The following PTPN4 variants were observed in gnomAD, a reference collection of about 807,000 sequenced individuals.
The protein encoded by PTPN4 is tyrosine-protein phosphatase non-receptor type 4.
A neutral mutation model predicts 135.5 loss-of-function variants in PTPN4; 49 were observed. That is an observed-to-expected ratio of 0.36 (90% confidence interval 0.29 to 0.46). The LOEUF is 0.46. PTPN4 is among the 20% of genes least tolerant of loss of function. The pLI, the probability that PTPN4 is intolerant of heterozygous loss-of-function variation, is 1.00. For synonymous variants in PTPN4, 333 were observed against 369.9 expected (o/e 0.90, Z 1.14); for missense variants, 860 against 1,101.0 (o/e 0.78, Z 3.10).
chr2:119,922,741 A>G (rs1678756794), intron 12 of PTPN4, among the ~76,000 whole-genome samples: 1 of 152,224 alleles, frequency 6.6e-6, no homozygotes, highest in Admixed American at 6.5e-5. Context: ...GCATAGTAAT[A>G]ATATTATCTC....
At chr2:119,958,051 A>T (rs1679313618) in intron 22 of PTPN4, among the ~76,000 whole-genome samples, 1 of 152,182 alleles carries the variant, frequency 6.6e-6, no homozygotes, top group South Asian at 2.1e-4. Context: ...AAATCAAATG[A>T]CAAATGGAAT....
At chr2:119,817,789 A>G (rs1166730183) in intron 2 of PTPN4, among the ~76,000 whole-genome samples, 3 of 152,168 alleles carry the variant, frequency 2.0e-5, no homozygotes, top group Non-Finnish European at 4.4e-5. Flanking sequence ...GATTCTTCCT[A>G]TCCATGAGCA....
At chr2:119,797,311 T>G (rs1003777425) in intron 1 of PTPN4, among the ~76,000 whole-genome samples, 2 of 152,236 alleles carry the variant, frequency 1.3e-5, no homozygotes, top group African/African-American at 4.8e-5. Context: ...CTGGACTGTT[T>G]TGTTCCATTG....
rs1195328248 is a variant in PTPN4 at position 119,978,900 on chromosome 2, A to G, written c.*1830A>G. 1 of 152,132 alleles carries G rather than the reference A, an allele frequency of 6.6e-6. No individual in the cohort carries two copies. Among genetic ancestry groups the G allele is most frequent in the Non-Finnish European group, 1.5e-5 (1 of 67,954 alleles). The allele number at this position is 152,132 out of a possible 1,614,324, so 9.4% of individuals were successfully genotyped here. On this transcript the variant is annotated 3_prime_UTR_variant, in exon 27 of 27. Transcript: ENST00000263708. Reference sequence around the variant, plus strand: ...ATTTCAGGAAATCAAGCTCCTAAACATTAATAGCCAAGATACCAAATAAAT... The same window carrying G: ...ATTTCAGGAAATCAAGCTCCTAAACGTTAATAGCCAAGATACCAAATAAAT...
At chr2:119,782,355 G>A (rs1018029347) in intron 1 of PTPN4, among the ~76,000 whole-genome samples, 7 of 152,028 alleles carry the variant, frequency 4.6e-5, no homozygotes, top group African/African-American at 1.7e-4. Flanking sequence ...GGAGGCAGAG[G>A]TTGCAACGAG....
At chr2:119,869,163 A>G (rs1360352240) in intron 3 of PTPN4, among the ~76,000 whole-genome samples, 1 of 152,222 alleles carries the variant, frequency 6.6e-6, no homozygotes, top group Non-Finnish European at 1.5e-5. Context: ...ATATGGTTCC[A>G]TTTATATTAA....
Position 119,760,323 on chromosome 2 carries a change from G to A in PTPN4, c.-79G>A, listed in dbSNP as rs529784408. The A allele has an allele frequency of 6.1e-5, 24 of 395,158 alleles. No individual in the cohort carries two copies. Among genetic ancestry groups the A allele is most frequent in the Non-Finnish European group, 9.8e-5 (22 of 224,014 alleles). The allele number at this position is 395,158 out of a possible 1,614,324, so 24.5% of individuals were successfully genotyped here. ...GGCACGGAGGACGCGCTTCTCCTCT[G>A]CGCGCCGGGGCCTCGAGGCTTTTTT... On this transcript the variant is annotated 5_prime_UTR_variant, in exon 1 of 27. Coordinates refer to ENST00000263708, the MANE Select transcript of PTPN4 (RefSeq NM_002830.4).
chr2:119,919,966 A>C, intron 11 of PTPN4, 103 bp from the exon 12 acceptor site: 1 of 1,435,294 alleles, frequency 7.0e-7, no homozygotes, highest in Non-Finnish European at 9.2e-7. Context: ...TAACAAGTTC[A>C]TGTTTACAAG....
At chr2:119,782,991 T>C (rs1270313579) in intron 1 of PTPN4, among the ~76,000 whole-genome samples, 3 of 123,250 alleles carry the variant, frequency 2.4e-5, no homozygotes, top group Admixed American at 1.9e-4. Flanking sequence ...CACGCCTGGC[T>C]GAAATCCCTT....
intron 15 of PTPN4, among the ~76,000 whole-genome samples, chr2:119,935,525 G>A (rs1303236845): frequency 1.3e-5 from 2 of 152,138 alleles, no homozygotes; most frequent in Non-Finnish European, 2.9e-5. Flanking sequence ...GTAAACCAAG[G>A]AAGACTGGCT....
At chr2:119,882,286 C>T (rs1216982867) in intron 7 of PTPN4, 137 bp downstream of exon 7, 1 of 1,059,528 alleles carries the variant, frequency 9.4e-7, no homozygotes. Flanking sequence ...GTAATGAAAT[C>T]TCCAGTTAGT....
At chr2:119,811,873 A>C (rs921318357) in intron 2 of PTPN4, among the ~76,000 whole-genome samples, 1 of 151,904 alleles carries the variant, frequency 6.6e-6, no homozygotes, top group Admixed American at 6.6e-5. Flanking sequence ...AGACATATAT[A>C]TTAATGTACT....
Position 119,889,377 on chromosome 2 carries a change from G to A in PTPN4, c.675+3495G>A, listed in dbSNP as rs1317788642. Among the ~76,000 whole-genome samples the A allele has an allele frequency of 7.2e-5, 11 of 152,182 alleles. No individual in the cohort carries two copies. The East Asian group carries it at 1.7e-3, about 24-fold the overall frequency. ...GGAGCTTGCAGTGAGCCGAGATGGC[G>A]CCACTGCACTCCAGCCTGGGCGACA... is the stretch of plus-strand genomic sequence containing the variant. On this transcript the variant is annotated intron_variant, in intron 9 of 26. Transcript: ENST00000263708.
intron 1 of PTPN4, among the ~76,000 whole-genome samples, chr2:119,804,607 A>C (rs183732379): frequency 6.6e-6 from 1 of 152,004 alleles, no homozygotes; most frequent in South Asian, 2.1e-4. Context: ...AAGGACGTGA[A>C]CTCATCCTTT....
rs1220105151 is a variant in PTPN4 at position 119,905,199 on chromosome 2, C to T, written c.764+4393C>T. On this transcript the variant is annotated intron_variant, in intron 10 of 26. Transcript: ENST00000263708. The stretch of plus-strand genomic sequence containing the variant: ...GTTCCCGTTAAAACTTAGACACTGG[C>T]TGAATGGATGTAAAAAAAGAAGACC... 2.6e-5 allele frequency among the ~76,000 whole-genome samples: 4 copies of T among 152,018 alleles called. No individual in the cohort carries two copies. The East Asian group carries it at 7.7e-4, about 29-fold the overall frequency.
intron 10 of PTPN4, among the ~76,000 whole-genome samples, chr2:119,910,045 A>T: frequency 6.6e-6 from 1 of 152,150 alleles, no homozygotes; most frequent in Non-Finnish European, 1.5e-5. Flanking sequence ...ACAACAAAGA[A>T]TATAGACTAT....
intron 13 of PTPN4, among the ~76,000 whole-genome samples, chr2:119,929,996 A>G (rs1678880408): frequency 6.6e-6 from 1 of 152,200 alleles, no homozygotes; most frequent in South Asian, 2.1e-4. Flanking sequence ...TAGCATTAAT[A>G]GAGCCATAAA....
chr2:119,920,313 T>C, intron 12 of PTPN4, 72 bp downstream of exon 12: 3 of 1,452,236 alleles, frequency 2.1e-6, no homozygotes, highest in Non-Finnish European at 2.8e-6. Context: ...AGATGTAGTT[T>C]ATGGAACCAT....
rs897527893 is a variant in PTPN4 at position 119,903,811 on chromosome 2, A to G, written c.764+3005A>G. 2.0e-5 allele frequency among the ~76,000 whole-genome samples: 3 copies of G among 152,180 alleles called. 1 individual carries two copies. Among genetic ancestry groups the G allele is most frequent in the African/African-American group, 4.8e-5 (2 of 41,440 alleles). On this transcript the variant is annotated intron_variant, in intron 10 of 26. Coordinates refer to ENST00000263708, the MANE Select transcript of PTPN4 (RefSeq NM_002830.4). Reference sequence around the variant, plus strand: ...CCTGCCATCACCACAGCTGGTGCCCATGAACCAGCCTACCTGGCATTTCCA... The same window carrying G: ...CCTGCCATCACCACAGCTGGTGCCCGTGAACCAGCCTACCTGGCATTTCCA...
Sources: allele counts gnomAD v4.1 joint callset (sites outside exome capture counted in the v4.1 genomes callset), GRCh38; gene constraint gnomAD v4.1.1; transcripts MANE v1.5; gene names NCBI Gene and HGNC (gene_info 2026-07-23, HGNC 2026-07-21).